SPATA13: variants seen among roughly 807,000 people sequenced by gnomAD.
SPATA13 encodes spermatogenesis associated 13, also known as spermatogenesis-associated protein 13.
SPATA13 carries 50 observed loss-of-function variants against 104.0 expected under a neutral mutation model. The ratio of observed to expected loss-of-function variants is 0.48; its 90% CI spans 0.38 to 0.61. SPATA13 has a LOEUF of 0.61. Among genes scored for constraint, SPATA13 ranks in the 20% least tolerant of loss-of-function variants. The probability of loss-of-function intolerance (pLI) is 0.00; values close to 1 mark genes in which losing one functional copy is unlikely to be tolerated. For synonymous variants in SPATA13, 606 were observed against 667.5 expected, an observed-to-expected ratio of 0.91 and a Z score of 1.42; for missense variants, 1,524 against 1,690.6, an observed-to-expected ratio of 0.90 and a Z score of 1.73.
At chr13:24,094,951 T>C (rs551331399) in intron 3 of SPATA13, among the ~76,000 whole-genome samples, 78 of 152,308 alleles carry the variant, frequency 5.1e-4, no homozygotes, top group African/African-American at 1.8e-3. Context: ...TTGTGTGCTA[T>C]TGGTGGGAAT....
intron 3 of SPATA13, among the ~76,000 whole-genome samples, chr13:24,068,851 T>G (rs1371096249): frequency 6.6e-6 from 1 of 152,182 alleles, no homozygotes; most frequent in Non-Finnish European, 1.5e-5. Flanking sequence ...TTTTCCCACT[T>G]TTTAATGAAG....
intron 1 of SPATA13, among the ~76,000 whole-genome samples, chr13:24,198,732 A>T (rs1020412276): frequency 5.3e-5 from 8 of 152,112 alleles, no homozygotes; most frequent in African/African-American, 1.9e-4. Context: ...TCGTCCTGTG[A>T]GGGCTATCCC....
intron 2 of SPATA13, among the ~76,000 whole-genome samples, chr13:24,004,812 G>T (rs1381164867): frequency 1.3e-5 from 2 of 152,126 alleles, no homozygotes; most frequent in African/African-American, 4.8e-5. Context: ...GATGCAAAAG[G>T]ATACTCAGCA....
At chr13:24,237,536 C>T (rs1872627540) in intron 2 of SPATA13, among the ~76,000 whole-genome samples, 1 of 152,048 alleles carries the variant, frequency 6.6e-6, no homozygotes, top group Admixed American at 6.6e-5. Context: ...TTGCCAGGGG[C>T]TGTGGGGGAA....
intron 3 of SPATA13, among the ~76,000 whole-genome samples, chr13:24,085,029 G>T (rs558181900): frequency 6.6e-6 from 1 of 152,166 alleles, no homozygotes; most frequent in Admixed American, 6.5e-5. Context: ...CTGTGTGTTC[G>T]CAGTCGCCTG....
At chr13:24,046,298 CT>C (rs58600844) in intron 3 of SPATA13, among the ~76,000 whole-genome samples, 1 of 145,376 alleles carries the variant, frequency 6.9e-6, no homozygotes, top group African/African-American at 2.6e-5. Context: ...TTTCTTTTGC[CT>C]TTTTTTTTTT....
chr13:23,997,091 C>T (rs768167974), intron 2 of SPATA13, among the ~76,000 whole-genome samples: 5 of 152,176 alleles, frequency 3.3e-5, no homozygotes, highest in Admixed American at 6.5e-5. Flanking sequence ...GGGTCAGTCA[C>T]GATTGATAGA....
intron 3 of SPATA13, among the ~76,000 whole-genome samples, chr13:24,079,010 G>A (rs1364393571): frequency 6.6e-6 from 1 of 152,198 alleles, no homozygotes; most frequent in Non-Finnish European, 1.5e-5. Flanking sequence ...TCTAAAGGAA[G>A]ATGTAGGGCA....
chr13:24,059,702 A>G (rs2137752696), intron 3 of SPATA13, among the ~76,000 whole-genome samples: 1 of 152,330 alleles, frequency 6.6e-6, no homozygotes, highest in South Asian at 2.1e-4. Context: ...CTGATTTTGT[A>G]TGCTGGAACT....
At position 24,280,820 on chromosome 13, in the gene SPATA13, C is replaced by T. The variant is rs73455722; in HGVS notation, c.2165-3315C>T. ...CCTCAAGACATCCCCCAACCCACCC[C>T]CAAACTCACACACCAGCAAAGCATA... On this transcript the variant is annotated intron_variant, in intron 4 of 12. Transcript: ENST00000382108. 9.4e-3 allele frequency among the ~76,000 whole-genome samples: 1,434 copies of T among 152,236 alleles called. 30 individuals are homozygous for T. Among genetic ancestry groups the T allele is most frequent in the African/African-American group, 0.033 (1,374 of 41,506 alleles).
chr13:24,020,871 G>C (rs76619708), intron 3 of SPATA13, among the ~76,000 whole-genome samples: 1 of 152,226 alleles, frequency 6.6e-6, no homozygotes, highest in African/African-American at 2.4e-5. Context: ...GTGAAAACCG[G>C]TCTCTACTAA....
chr13:24,209,403 G>C (rs1566151491), intron 1 of SPATA13, among the ~76,000 whole-genome samples: 1 of 152,180 alleles, frequency 6.6e-6, no homozygotes, highest in East Asian at 1.9e-4. Flanking sequence ...GAGATGAAAA[G>C]ACAGCTCTTG....
chr13:24,277,632 A>G (rs1282879475), intron 4 of SPATA13, among the ~76,000 whole-genome samples: 1 of 152,120 alleles, frequency 6.6e-6, no homozygotes, highest in Non-Finnish European at 1.5e-5. Flanking sequence ...TATAGCCCTG[A>G]TAAATGACTC....
rs774380983 is a variant in SPATA13, at chr13:24,222,952, C to T, written c.23C>T (p.Pro8Leu). The T allele has an allele frequency of 4.5e-6, 7 of 1,551,110 alleles. No homozygotes were observed. Among genetic ancestry groups the T allele is most frequent in the Non-Finnish European group, 5.2e-6 (6 of 1,146,786 alleles). Reference sequence around the variant, plus strand: ...GCCATGACCCAGGCTGCCGTGCGGCCCTGGGCACCCTGCCTGGAGAACATG... The same window carrying T: ...GCCATGACCCAGGCTGCCGTGCGGCTCTGGGCACCCTGCCTGGAGAACATG... The part of the protein sequence containing the change: MTQAAVR[P>L]WAPCLENMTT... The change falls in exon 2 of 13, where the codon CCC becomes CTC. Residue 8 changes from proline to leucine, a missense_variant. Transcript: ENST00000382108.
intron 3 of SPATA13, among the ~76,000 whole-genome samples, chr13:24,076,956 C>G (rs1160716753): frequency 6.6e-6 from 1 of 152,026 alleles, no homozygotes; most frequent in Non-Finnish European, 1.5e-5. Flanking sequence ...CTAAGACAGG[C>G]TTTCCAGGGG....
At chr13:24,093,228 C>T (rs144342703) in intron 3 of SPATA13, among the ~76,000 whole-genome samples, 36 of 152,256 alleles carry the variant, frequency 2.4e-4, no homozygotes, top group East Asian at 1.3e-3. Context: ...GTTTCAAGCA[C>T]GTTTTATAAA....
intron 3 of SPATA13, among the ~76,000 whole-genome samples, chr13:24,116,718 T>C (rs1880851435): frequency 6.6e-6 from 1 of 150,902 alleles, no homozygotes; most frequent in African/African-American, 2.5e-5. Flanking sequence ...GGTTCACCAT[T>C]GCCATAGACT....
chr13:24,110,916 C>A (rs1880618516), intron 3 of SPATA13, among the ~76,000 whole-genome samples: 1 of 147,436 alleles, frequency 6.8e-6, no homozygotes, highest in Non-Finnish European at 1.5e-5. Flanking sequence ...TCTTGATTAT[C>A]TCTTTTTATT....
chr13:24,004,147 C>T (rs967599218), intron 2 of SPATA13, among the ~76,000 whole-genome samples: 4 of 152,090 alleles, frequency 2.6e-5, no homozygotes, highest in East Asian at 1.9e-4. Flanking sequence ...TGGTGAAACA[C>T]GGCTTTAAAA....
Sources: allele counts gnomAD v4.1 joint callset (sites outside exome capture counted in the v4.1 genomes callset), GRCh38; gene constraint gnomAD v4.1.1; transcripts MANE v1.5; gene names NCBI Gene and HGNC (gene_info 2026-07-23, HGNC 2026-07-21).